Variants in ZZZ3 observed in about 807,000 individuals in gnomAD.
The protein encoded by ZZZ3 is zinc finger ZZ-type containing 3, also known as ZZ-type zinc finger-containing protein 3.
Under a neutral mutation model 95.2 loss-of-function variants are expected in ZZZ3, and 22 were observed. The ratio of observed to expected loss-of-function variants is 0.23; its 90% CI spans 0.17 to 0.33. The LOEUF is 0.33. Ranked by LOEUF, ZZZ3 falls within the 10% of genes least tolerant of loss-of-function variation. The probability of loss-of-function intolerance (pLI) is 1.00; values close to 1 mark genes in which losing one functional copy is unlikely to be tolerated. For missense variants in ZZZ3, 885 were observed against 1,066.5 expected (o/e 0.83, Z 2.37); for synonymous variants, 335 against 358.9 (o/e 0.93, Z 0.75).
chr1:77,562,511 G>A lies in ZZZ3; in HGVS notation c.*3129C>T, dbSNP rs1478964334. ...AATATTTATCTTTATTACATGTGATGTACCATTTTCTCTATTCCATTTTTT... is the reference window on the plus strand; with the variant it reads ...AATATTTATCTTTATTACATGTGATATACCATTTTCTCTATTCCATTTTTT... On this transcript the variant is annotated 3_prime_UTR_variant, in exon 15 of 15. Transcript: ENST00000370801. The A allele has an allele frequency of 6.6e-6, 1 of 152,136 alleles. No homozygotes were observed. 9.4% of individuals were successfully genotyped at this position (152,136 alleles called of 1,614,324 possible).
intron 1 of ZZZ3, among the ~76,000 whole-genome samples, chr1:77,674,855 G>A (rs2101072959): frequency 6.6e-6 from 1 of 151,294 alleles, no homozygotes; most frequent in East Asian, 2.0e-4. Flanking sequence ...AGGAGGCTAA[G>A]TCAGGAGAAT....
At chr1:77,673,659 G>GT (rs1487262807) in intron 1 of ZZZ3, among the ~76,000 whole-genome samples, 2 of 152,128 alleles carry the variant, frequency 1.3e-5, no homozygotes, top group East Asian at 1.9e-4. Flanking sequence ...TAATAAGCAG[G>GT]TAAGTCTCTT....
chr1:77,618,232 CCTT>C (rs1233384112), intron 5 of ZZZ3, among the ~76,000 whole-genome samples: 2 of 129,324 alleles, frequency 1.5e-5, no homozygotes, highest in Non-Finnish European at 3.2e-5. Context: ...ACCAATGCAG[CCTT>C]TTTTTTTTTT....
chr1:77,655,358 G>A (rs1196744432), intron 1 of ZZZ3, among the ~76,000 whole-genome samples: 1 of 152,132 alleles, frequency 6.6e-6, no homozygotes, highest in Admixed American at 6.5e-5. Flanking sequence ...ATCAAGTAAA[G>A]GGTTTTTAAG....
At chr1:77,634,509 T>C (rs1668121500) in intron 4 of ZZZ3, among the ~76,000 whole-genome samples, 1 of 151,990 alleles carries the variant, frequency 6.6e-6, no homozygotes, top group South Asian at 2.1e-4. Flanking sequence ...AATTAGCAAG[T>C]GAAAGGGAGT....
chr1:77,646,514 C>T (rs139818518), intron 1 of ZZZ3, among the ~76,000 whole-genome samples: 32 of 152,188 alleles, frequency 2.1e-4, no homozygotes, highest in African/African-American at 5.3e-4. Context: ...TGAGTTATGG[C>T]GCCCAGCTCT....
chr1:77,649,293 G>A (rs1669584499), intron 1 of ZZZ3, among the ~76,000 whole-genome samples: 1 of 151,450 alleles, frequency 6.6e-6, no homozygotes, highest in Non-Finnish European at 1.5e-5. Context: ...AAATAAGAAT[G>A]ACAGCTGACT....
chr1:77,612,995 A>C (rs2100741667), intron 5 of ZZZ3, among the ~76,000 whole-genome samples: 1 of 152,182 alleles, frequency 6.6e-6, no homozygotes, highest in South Asian at 2.1e-4. Context: ...AATGTGCTTC[A>C]CTATAGTAAC....
At chr1:77,649,526 A>C (rs1262889121) in intron 1 of ZZZ3, among the ~76,000 whole-genome samples, 1 of 152,218 alleles carries the variant, frequency 6.6e-6, no homozygotes, top group Non-Finnish European at 1.5e-5. Flanking sequence ...CACTAGATGG[A>C]AGTCTAGATA....
At chr1:77,663,320 A>G (rs1331172389) in intron 1 of ZZZ3, among the ~76,000 whole-genome samples, 1 of 152,140 alleles carries the variant, frequency 6.6e-6, no homozygotes. Context: ...TGCAGTTAAG[A>G]GAATATCTTA....
intron 1 of ZZZ3, among the ~76,000 whole-genome samples, chr1:77,671,489 C>G (rs1445240667): frequency 1.3e-5 from 2 of 152,138 alleles, no homozygotes; most frequent in Non-Finnish European, 2.9e-5. Flanking sequence ...ATGAAGATAG[C>G]ACCTCAAACT....
Position 77,565,494 on chromosome 1 carries a change from G to A in ZZZ3, c.*146C>T. 1.3e-6 allele frequency: 1 copy of A among 778,834 alleles called. No homozygotes were observed. Among genetic ancestry groups the A allele is most frequent in the Non-Finnish European group, 2.0e-6 (1 of 489,624 alleles). 48.2% of individuals were successfully genotyped at this position (778,834 alleles called of 1,614,324 possible). On this transcript the variant is annotated 3_prime_UTR_variant, in exon 15 of 15. Coordinates refer to ENST00000370801, the MANE Select transcript of ZZZ3 (RefSeq NM_015534.6). ...TCTAGAGCCACAACGGTGCAGAGCTGTACTTGACGAGAACACTCAGGAAGC... is the reference window on the plus strand; with the variant it reads ...TCTAGAGCCACAACGGTGCAGAGCTATACTTGACGAGAACACTCAGGAAGC...
At position 77,576,172 on chromosome 1, in the gene ZZZ3, G is replaced by C. The variant is rs768251571; in HGVS notation, c.2227C>G (p.Pro743Ala). 2.5e-6 allele frequency: 4 copies of C among 1,612,678 alleles called. No homozygotes were observed. Among genetic ancestry groups the C allele is most frequent in the Admixed American group, 1.7e-5 (1 of 59,542 alleles). ...TCATGTGAAGTCATGAAAGTGGAAG[G>C]CTTAAAGAGATGCTTATTAAGAGGG... ...QHPLNKHLFK[P>A]STFMTSHEPP... The change falls in exon 12 of 15, where the codon CCT becomes GCT. Residue 743 changes from proline to alanine, a missense_variant. Pro to Ala is a conservative substitution (Grantham distance 27). Around this residue, in one of 5 missense-constraint regions of ZZZ3, gnomAD observed 221 missense variants for 247.8 expected, o/e 0.89. Coordinates refer to ENST00000370801, the MANE Select transcript of ZZZ3 (RefSeq NM_015534.6).
At chr1:77,612,345 A>G (rs1230751624) in intron 5 of ZZZ3, among the ~76,000 whole-genome samples, 2 of 152,034 alleles carry the variant, frequency 1.3e-5, no homozygotes, top group Non-Finnish European at 2.9e-5. Flanking sequence ...GTTGGTGGAA[A>G]TGTAGATTGA....
At chr1:77,656,987 TTTAC>T (rs1330695560) in intron 1 of ZZZ3, among the ~76,000 whole-genome samples, 3 of 152,226 alleles carry the variant, frequency 2.0e-5, no homozygotes, top group Non-Finnish European at 4.4e-5. Flanking sequence ...TCTTTATTTA[TTTAC>T]TTACTTTTCG....
chr1:77,658,009 T>A (rs1670429240), intron 1 of ZZZ3, among the ~76,000 whole-genome samples: 2 of 151,836 alleles, frequency 1.3e-5, no homozygotes, highest in Non-Finnish European at 2.9e-5. Context: ...CAAAACTCTG[T>A]CTCTACTAAA....
At chr1:77,608,142 T>A (rs1169914847) in intron 5 of ZZZ3, among the ~76,000 whole-genome samples, 1 of 152,034 alleles carries the variant, frequency 6.6e-6, no homozygotes, top group Non-Finnish European at 1.5e-5. Context: ...GAGAAAGGTA[T>A]CCAAGTACAA....
intron 5 of ZZZ3, among the ~76,000 whole-genome samples, chr1:77,597,161 C>T (rs1664291440): frequency 1.3e-5 from 2 of 151,972 alleles, no homozygotes; most frequent in Admixed American, 1.3e-4. Flanking sequence ...AAAGACATCA[C>T]CTTGATGGGG....
In ZZZ3 at chr1:77,584,522, T is replaced by C. The variant is rs777596855; in HGVS notation, c.1639A>G (p.Lys547Glu). The change falls in exon 6 of 15, where the codon AAG becomes GAG. Residue 547 changes from lysine (K) to glutamate (E), a missense_variant. Physicochemically the swap from Lys to Glu is moderately conservative, Grantham distance 56 (BLOSUM62 1). This residue lies in a region of ZZZ3 where 556 missense variants were observed against 652.9 expected (regional missense o/e 0.85). Transcript: ENST00000370801. ...NPIGFVEKLQ[K>E]KADIGLPYPQ... ...AAAAACAGTTCAATGTATACCTTCTTCTGGAGTTTTTCCACAAATCCAATG... is the reference window on the plus strand; with the variant it reads ...AAAAACAGTTCAATGTATACCTTCTCCTGGAGTTTTTCCACAAATCCAATG... The C allele has an allele frequency of 6.2e-7, 1 of 1,608,264 alleles. No individual in the cohort carries two copies. The highest frequency in any genetic ancestry group is 8.5e-7 in the Non-Finnish European group (1 of 1,178,412).
Sources: gnomAD v4.1 joint callset for allele counts (sites outside exome capture counted in the v4.1 genomes callset) on GRCh38, gnomAD v4.1.1 for gene constraint, gnomAD v4.1.1 regional missense constraint, MANE v1.5 for transcripts, NCBI Gene and HGNC (gene_info 2026-07-23, HGNC 2026-07-21) for gene names.